Variants in SRSF11 observed in about 807,000 individuals in gnomAD.
SRSF11 encodes the protein serine and arginine rich splicing factor 11, also known as serine/arginine-rich splicing factor 11.
In SRSF11, 9 loss-of-function variants were observed where a neutral mutation model predicts 56.0. The observed-to-expected ratio is 0.16, with a 90% CI of 0.10 to 0.28. The LOEUF is 0.28. Among genes scored for constraint, SRSF11 ranks in the 10% least tolerant of loss-of-function variants. The pLI is 1.00. For synonymous variants in SRSF11, 222 were observed against 215.3 expected (o/e 1.03, Z -0.27); for missense variants, 421 against 600.7 (o/e 0.70, Z 3.13).
At chr1:70,235,356 TTTC>T in intron 4 of SRSF11, 142 bp from the exon 5 acceptor site, 1 of 666,814 alleles carries the variant, frequency 1.5e-6, no homozygotes, top group East Asian at 2.8e-5. Context: ...GTTTTTGTTT[TTTC>T]TTTTTTAATG....
At chr1:70,221,864 TC>T (rs775221891) in intron 1 of SRSF11, 25 bp downstream of exon 1, 22 of 1,612,814 alleles carry the variant, frequency 1.4e-5, no homozygotes, top group East Asian at 4.5e-5. Context: ...CCATCACTGT[TC>T]CTGCTAACGC....
chr1:70,228,571 A>G lies in SRSF11; in HGVS notation c.337+16A>G. 2 of 1,610,072 alleles carry G rather than the reference A, an allele frequency of 1.2e-6. No homozygotes were observed. Among genetic ancestry groups the G allele is most frequent in the South Asian group, 2.2e-5 (2 of 90,388 alleles). On this transcript the variant is annotated intron_variant, in intron 2 of 11. Transcript: ENST00000370949. ...TATGCAGAAGGTTTGTGCTTTGTTT[A>G]ACTACCTATGTGGGCATCCTAAGAT...
intron 7 of SRSF11, among the ~76,000 whole-genome samples, chr1:70,241,106 C>G (rs181036499): frequency 4.3e-4 from 65 of 152,236 alleles, no homozygotes; most frequent in African/African-American, 1.5e-3. Context: ...TCACTCCTGG[C>G]TTCATCTCTT....
At chr1:70,243,336 CAAAAAAAAAAAAAAAAAAAAAAAA>C (rs56098296) in intron 7 of SRSF11, among the ~76,000 whole-genome samples, 15 of 32,596 alleles carry the variant, frequency 4.6e-4, no homozygotes, top group African/African-American at 6.4e-4. Context: ...TGGTTGGTGG[CAAAAAAAAAAAAAAAAAAAAAAAA>C]AAAAAAAAAA....
intron 5 of SRSF11, among the ~76,000 whole-genome samples, chr1:70,236,348 T>G (rs1326321210): frequency 6.7e-6 from 1 of 149,778 alleles, no homozygotes; most frequent in Non-Finnish European, 1.5e-5. Flanking sequence ...TTTTTTTTTT[T>G]TGAGACGAGT....
At chr1:70,228,986 A>G (rs1425531804) in intron 2 of SRSF11, 5 of 982,104 alleles carry the variant, frequency 5.1e-6, no homozygotes, top group African/African-American at 1.8e-5. Flanking sequence ...GCTTCCTCAC[A>G]TTGATAATCT....
At chr1:70,207,917 C>G (rs906521074) in intron 1 of SRSF11, among the ~76,000 whole-genome samples, 3 of 151,854 alleles carry the variant, frequency 2.0e-5, no homozygotes, top group African/African-American at 7.3e-5. Context: ...GTCTGTGTTG[C>G]CAAGGCTGGT....
In SRSF11 at chr1:70,235,418, CTGT is replaced by C. The variant is rs572933242; in HGVS notation, c.541-78_541-76del. 4.2e-3 allele frequency: 4,898 copies of C among 1,157,470 alleles called. 33 individuals carry two copies. The highest frequency in any genetic ancestry group is 0.014 in the South Asian group (1,007 of 70,200). The allele number at this position is 1,157,470 out of a possible 1,614,324, so 71.7% of individuals were successfully genotyped here. A position where few individuals can be genotyped will look rare whatever the true frequency, so the allele number is the denominator to read the frequency against. ...CATGGCATGTAGTCTGCATGGATTTCTGTTGTTCAGTTTTCTGCCTAGAAAATA... is the reference window on the plus strand; with the variant it reads ...CATGGCATGTAGTCTGCATGGATTTCTGTTCAGTTTTCTGCCTAGAAAATA... On this transcript the variant is annotated intron_variant, in intron 4 of 11. Transcript: ENST00000370949.
In SRSF11 at chr1:70,250,736, T is replaced by G. The variant is rs1677826690; in HGVS notation, c.1386T>G (p.Gly462=). ...TKECSVEKGT[G]DSLRESKVNG... ...AATGTTCTGTGGAAAAGGGAACTGGTGATTCACTAAGAGAATCCAAAGTGA... is the reference window on the plus strand; with the variant it reads ...AATGTTCTGTGGAAAAGGGAACTGGGGATTCACTAAGAGAATCCAAAGTGA... Residue 462 remains glycine (G), a synonymous_variant, in exon 12 of 12, where the codon GGT becomes GGG. Coordinates refer to ENST00000370949, the MANE Select transcript of SRSF11 (RefSeq NM_001350605.2). 1 of 1,613,922 alleles carries G rather than the reference T, an allele frequency of 6.2e-7. No individual in the cohort carries two copies. The highest frequency in any genetic ancestry group is 1.1e-5 in the South Asian group (1 of 91,082).
Position 70,250,452 on chromosome 1 carries a change from A to G in SRSF11, c.1206A>G (p.Lys402=). ...CAACAAGCAAGAAGAAGAAGAGTAA[A>G]GATAAGGAAAAGGACCGGGAAAGAA... ...ERSTSKKKKS[K]DKEKDRERKS... is the part of the protein sequence containing the mutation. The change falls in exon 11 of 12, where the codon AAA becomes AAG. Residue 402 remains lysine (K), a synonymous_variant. Transcript: ENST00000370949. The G allele has an allele frequency of 6.3e-7, 1 of 1,594,330 alleles. No homozygotes were observed. Among genetic ancestry groups the G allele is most frequent in the Non-Finnish European group, 8.6e-7 (1 of 1,162,042 alleles).
At chr1:70,231,299 A>G in intron 2 of SRSF11, 2 of 1,167,256 alleles carry the variant, frequency 1.7e-6, no homozygotes, top group Non-Finnish European at 2.1e-6. Flanking sequence ...TTGAACTCTC[A>G]TTTTGGGGGC....
intron 6 of SRSF11, among the ~76,000 whole-genome samples, chr1:70,238,130 A>G (rs1394450033): frequency 6.6e-6 from 1 of 152,122 alleles, no homozygotes; most frequent in African/African-American, 2.4e-5. Flanking sequence ...TAATGTGCCT[A>G]TTGTTAGGAA....
At chr1:70,231,837 G>A (rs1004548049) in intron 2 of SRSF11, 26 of 1,438,216 alleles carry the variant, frequency 1.8e-5, no homozygotes, top group Non-Finnish European at 2.4e-5. Context: ...TGTGTATCTT[G>A]ATTTTTCTGT....
At chr1:70,224,348 A>G (rs775679248) in intron 1 of SRSF11, among the ~76,000 whole-genome samples, 7 of 152,060 alleles carry the variant, frequency 4.6e-5, no homozygotes, top group Admixed American at 2.6e-4. Context: ...TATTTTTCCG[A>G]TGTCACCTTA....
chr1:70,234,683 TGCC>T lies in SRSF11; in HGVS notation c.448-12_448-10del. The T allele has an allele frequency of 6.3e-7, 1 of 1,580,308 alleles. No homozygotes were observed. The highest frequency in any genetic ancestry group is 1.2e-5 in the South Asian group (1 of 85,788). On this transcript the variant is annotated splice_polypyrimidine_tract_variant and intron_variant, in intron 3 of 11. Transcript: ENST00000370949. Reference sequence around the variant, plus strand: ...AATGAAGTTTTAAATAAATAAAATTTGCCATTTCACAGATTGGCGCTGTTCCAC... The same window carrying T: ...AATGAAGTTTTAAATAAATAAAATTTATTTCACAGATTGGCGCTGTTCCAC...
chr1:70,249,393 G>A (rs1571962291), intron 9 of SRSF11: 1 of 152,354 alleles, frequency 6.6e-6, no homozygotes. Context: ...TGTTAAATCA[G>A]TTTTTTCTCA....
chr1:70,222,897 C>T (rs1571654932), intron 1 of SRSF11: 1 of 152,298 alleles, frequency 6.6e-6, no homozygotes, highest in Non-Finnish European at 1.5e-5. Context: ...TCACTTTCCA[C>T]TTAAAATACT....
upstream of SRSF11, among the ~76,000 whole-genome samples, chr1:70,220,164 A>T (rs1458477899): frequency 6.6e-6 from 1 of 152,262 alleles, no homozygotes; most frequent in Non-Finnish European, 1.5e-5. Context: ...TCAATAATAA[A>T]TACATGTATC....
At chr1:70,235,403 A>C in intron 4 of SRSF11, 98 bp from the exon 5 acceptor site, 1 of 961,070 alleles carries the variant, frequency 1.0e-6, no homozygotes, top group Non-Finnish European at 1.6e-6. Flanking sequence ...CATGGCATGT[A>C]GTCTGCATGG....
Sources: gnomAD v4.1 joint callset for allele counts (sites outside exome capture counted in the v4.1 genomes callset) on GRCh38, gnomAD v4.1.1 for gene constraint, MANE v1.5 for transcripts, NCBI Gene and HGNC (gene_info 2026-07-23, HGNC 2026-07-21) for gene names.